The following NOL4 variants were observed in gnomAD, a reference collection of about 807,000 sequenced individuals.
NOL4 encodes the protein nucleolar protein 4, also known as cancer/testis antigen 125.
A neutral mutation model predicts 75.9 loss-of-function variants in NOL4; 17 were observed. The observed-to-expected ratio is 0.22, with a 90% CI of 0.15 to 0.34. The LOEUF (loss-of-function observed/expected upper bound fraction) is 0.34. Among genes scored for constraint, NOL4 ranks in the 10% least tolerant of loss-of-function variants. NOL4 has a pLI of 1.00. For missense variants in NOL4, 614 were observed against 793.5 expected (o/e 0.77, Z 2.72); for synonymous variants, 292 against 289.9 (o/e 1.01, Z -0.07).
intron 1 of NOL4, among the ~76,000 whole-genome samples, chr18:34,179,131 T>C (rs2033814278): frequency 6.6e-6 from 1 of 151,524 alleles, no homozygotes; most frequent in African/African-American, 2.4e-5. Context: ...TAGAAAATAC[T>C]CTGAGATGAA....
intron 6 of NOL4, among the ~76,000 whole-genome samples, chr18:34,012,074 G>A (rs192115965): frequency 8.1e-4 from 123 of 152,006 alleles, no homozygotes; most frequent in African/African-American, 2.8e-3. Context: ...ATAGGCACTT[G>A]TAATTAATGG....
At chr18:33,864,516 C>T (rs1402597883) in intron 10 of NOL4, among the ~76,000 whole-genome samples, 1 of 152,094 alleles carries the variant, frequency 6.6e-6, no homozygotes, top group African/African-American at 2.4e-5. Flanking sequence ...CTTCATTATC[C>T]ACATCGTTAT....
rs139592012 is a variant in NOL4, at chr18:33,914,919, A to G, written c.1542+28146T>C. Among the ~76,000 whole-genome samples, 545 of 152,222 alleles carry G rather than the reference A, an allele frequency of 3.6e-3. 2 individuals are homozygous for G. The highest frequency in any genetic ancestry group is 0.01 in the Middle Eastern group (3 of 294). On this transcript the variant is annotated intron_variant, in intron 9 of 10. Transcript: ENST00000261592. ...GGAGGAGTCCTGGCTGGGCATATCA[A>G]TTTGTGAGTCATCACATTACAGATG...
intron 1 of NOL4, chr18:34,222,350 G>A (rs949446885): frequency 4.0e-6 from 5 of 1,260,170 alleles, no homozygotes; most frequent in Non-Finnish European, 5.0e-6. Flanking sequence ...GAATGGGGGG[G>A]CGGGGAGGAG....
intron 10 of NOL4, among the ~76,000 whole-genome samples, chr18:33,880,272 T>G (rs975879653): frequency 6.6e-6 from 1 of 151,456 alleles, no homozygotes; most frequent in African/African-American, 2.4e-5. Flanking sequence ...ATCTTTTTAC[T>G]TTTTTATGGT....
intron 9 of NOL4, among the ~76,000 whole-genome samples, chr18:33,921,289 T>G (rs1286470977): frequency 6.6e-6 from 1 of 152,142 alleles, no homozygotes; most frequent in Non-Finnish European, 1.5e-5. Flanking sequence ...AGATTGGACT[T>G]AGAGTTGATG....
intron 9 of NOL4, among the ~76,000 whole-genome samples, chr18:33,942,339 T>G (rs1477710795): frequency 6.6e-6 from 1 of 151,842 alleles, no homozygotes; most frequent in Non-Finnish European, 1.5e-5. Context: ...CTATGGATAC[T>G]TGAGAAAGGG....
At chr18:34,153,070 T>C (rs1408176789) in intron 1 of NOL4, among the ~76,000 whole-genome samples, 2 of 151,890 alleles carry the variant, frequency 1.3e-5, no homozygotes, top group Non-Finnish European at 2.9e-5. Context: ...TTTGCTCTTA[T>C]GTGTAGGAAA....
intron 9 of NOL4, among the ~76,000 whole-genome samples, chr18:33,935,791 T>G (rs566585961): frequency 6.6e-6 from 1 of 152,142 alleles, no homozygotes; most frequent in Non-Finnish European, 1.5e-5. Context: ...TTTTCCTATA[T>G]AGTATATTTT....
intron 6 of NOL4, among the ~76,000 whole-genome samples, chr18:33,989,846 C>T (rs1454478050): frequency 1.3e-5 from 2 of 152,028 alleles, no homozygotes; most frequent in African/African-American, 2.4e-5. Context: ...TCATTATGCC[C>T]TATATAGCAC....
chr18:34,075,133 A>G (rs1328866715), intron 5 of NOL4, among the ~76,000 whole-genome samples: 3 of 152,168 alleles, frequency 2.0e-5, no homozygotes, highest in Non-Finnish European at 2.9e-5. Context: ...AATGCTTGGG[A>G]CAACAATTGT....
chr18:33,905,513 C>A (rs930470547), intron 9 of NOL4, among the ~76,000 whole-genome samples: 1 of 152,072 alleles, frequency 6.6e-6, no homozygotes, highest in African/African-American at 2.4e-5. Flanking sequence ...AAAATGAAAA[C>A]CCTATGTGTC....
intron 1 of NOL4, among the ~76,000 whole-genome samples, chr18:34,132,322 G>T (rs1390190467): frequency 2.0e-5 from 3 of 152,142 alleles, no homozygotes; most frequent in Non-Finnish European, 4.4e-5. Context: ...GGTATCTTAG[G>T]GTGGCCATTA....
At chr18:34,006,043 C>CT (rs1012725886) in intron 6 of NOL4, among the ~76,000 whole-genome samples, 2 of 152,000 alleles carry the variant, frequency 1.3e-5, no homozygotes, top group Non-Finnish European at 2.9e-5. Flanking sequence ...TAAAAACTGA[C>CT]TTTTTTTTAC....
Position 33,877,826 on chromosome 18 carries a change from T to TTGTGTGTGTG in NOL4, c.1723+5408_1723+5417dup, listed in dbSNP as rs113939972. ...AGGAATAGGTACCAATGTTGTGTGA[T>TTGTGTGTGTG]TGTGTGTGTGTGTGTGTGTGTGTGT... is the stretch of plus-strand genomic sequence containing the variant. On this transcript the variant is annotated intron_variant, in intron 10 of 10. Transcript: ENST00000261592. Among the ~76,000 whole-genome samples, 213 of 148,228 alleles carry TTGTGTGTGTG rather than the reference T, an allele frequency of 1.4e-3. 1 individual carries two copies. Among genetic ancestry groups the TTGTGTGTGTG allele is most frequent in the African/African-American group, 5.1e-3 (204 of 40,344 alleles).
intron 1 of NOL4, among the ~76,000 whole-genome samples, chr18:34,153,791 C>A (rs763480935): frequency 6.6e-6 from 1 of 152,002 alleles, no homozygotes; most frequent in Non-Finnish European, 1.5e-5. Flanking sequence ...TCTCTTTCAT[C>A]TAACAGTCCA....
At chr18:33,860,286 CT>C (rs1490912540) in intron 10 of NOL4, among the ~76,000 whole-genome samples, 5 of 152,058 alleles carry the variant, frequency 3.3e-5, no homozygotes, top group Non-Finnish European at 7.4e-5. Context: ...TATTCTGCCC[CT>C]ACCTCCCCCC....
chr18:34,024,181 GA>G (rs200128545), intron 5 of NOL4, among the ~76,000 whole-genome samples: 4,570 of 86,836 alleles, frequency 0.053, 421 homozygotes, highest in African/African-American at 0.073. Context: ...AAATAAACAG[GA>G]AAAAAAAAAA....
intron 1 of NOL4, among the ~76,000 whole-genome samples, chr18:34,161,193 C>T (rs954883747): frequency 6.6e-6 from 1 of 152,060 alleles, no homozygotes; most frequent in African/African-American, 2.4e-5. Flanking sequence ...GGTATATATA[C>T]CATATTTTCT....
Sources: allele counts gnomAD v4.1 joint callset (sites outside exome capture counted in the v4.1 genomes callset), GRCh38; gene constraint gnomAD v4.1.1; transcripts MANE v1.5; gene names NCBI Gene and HGNC (gene_info 2026-07-23, HGNC 2026-07-21).